Variants in TAF4B observed in about 807,000 individuals in gnomAD.
TAF4B encodes TATA-box binding protein associated factor 4b.
In TAF4B, 38 loss-of-function variants were observed where a neutral mutation model predicts 86.4. The observed-to-expected ratio is 0.44, with a 90% CI of 0.34 to 0.58. The LOEUF (loss-of-function observed/expected upper bound fraction) is 0.58, where lower values mean the gene tolerates loss of function less well. TAF4B is among the 20% of genes least tolerant of loss of function. TAF4B has a pLI of 0.02. For synonymous variants in TAF4B, 388 were observed against 391.2 expected (o/e 0.99, Z 0.10); for missense variants, 988 against 1,027.6 (o/e 0.96, Z 0.53).
At chr18:26,294,242 A>G (rs1249752914) in intron 9 of TAF4B, among the ~76,000 whole-genome samples, 1 of 152,134 alleles carries the variant, frequency 6.6e-6, no homozygotes, top group Non-Finnish European at 1.5e-5. Flanking sequence ...GTCATTGATG[A>G]TGAGCGTTCT....
At chr18:26,359,334 T>C (rs1456151889) in intron 14 of TAF4B, among the ~76,000 whole-genome samples, 1 of 152,232 alleles carries the variant, frequency 6.6e-6, no homozygotes, top group African/African-American at 2.4e-5. Flanking sequence ...CTTATATTGT[T>C]GTGTGCTTGT....
At chr18:26,260,841 G>A (rs1375264358) in intron 1 of TAF4B, among the ~76,000 whole-genome samples, 1 of 152,066 alleles carries the variant, frequency 6.6e-6, no homozygotes, top group Non-Finnish European at 1.5e-5. Flanking sequence ...TCTTCTTTAA[G>A]TATGGTTCCT....
Position 26,227,188 on chromosome 18 carries a change from C to T in TAF4B, c.255C>T (p.Gly85=). The change falls in exon 1 of 15, where the codon GGC becomes GGT. Residue 85 remains glycine (G), a synonymous_variant. Coordinates refer to ENST00000269142, the MANE Select transcript of TAF4B (RefSeq NM_005640.3). ...PVSAPPKVSS[G]PRLPAPQIVA... Reference sequence around the variant, plus strand: ...GCGCCCCTCCTAAAGTCAGCAGCGGCCCTAGGCTGCCTGCTCCTCAGATAG... The same window carrying T: ...GCGCCCCTCCTAAAGTCAGCAGCGGTCCTAGGCTGCCTGCTCCTCAGATAG... 1.9e-6 allele frequency: 3 copies of T among 1,614,092 alleles called. No homozygotes were observed. Among genetic ancestry groups the T allele is most frequent in the South Asian group, 2.2e-5 (2 of 91,070 alleles).
chr18:26,292,509 A>C, intron 8 of TAF4B, 128 bp downstream of exon 8: 1 of 981,902 alleles, frequency 1.0e-6, no homozygotes, highest in South Asian at 1.8e-5. Flanking sequence ...ATTGAGAGAA[A>C]ACAGAAAGAT....
intron 10 of TAF4B, among the ~76,000 whole-genome samples, chr18:26,320,867 A>G (rs559275945): frequency 2.6e-5 from 4 of 152,332 alleles, no homozygotes; most frequent in East Asian, 1.9e-4. Context: ...AACAATGTCT[A>G]TATTTTCTGA....
chr18:26,358,149 C>T (rs1165638937), intron 14 of TAF4B, among the ~76,000 whole-genome samples: 3 of 152,088 alleles, frequency 2.0e-5, no homozygotes, highest in Non-Finnish European at 4.4e-5. Context: ...CTTGTAAGAC[C>T]GAATCTGCCC....
At chr18:26,267,131 T>G (rs1378837326) in intron 2 of TAF4B, 1 of 155,274 alleles carries the variant, frequency 6.4e-6, no homozygotes, top group Non-Finnish European at 1.4e-5. Flanking sequence ...CTAGTTTGGT[T>G]TAACTGCTGT....
At chr18:26,243,067 G>T (rs1483565401) in intron 1 of TAF4B, among the ~76,000 whole-genome samples, 2 of 152,098 alleles carry the variant, frequency 1.3e-5, no homozygotes, top group Non-Finnish European at 2.9e-5. Flanking sequence ...GTGTCTTGCA[G>T]TTGCTCTTCT....
chr18:26,349,556 A>T (rs946550124), intron 13 of TAF4B, among the ~76,000 whole-genome samples: 12 of 152,218 alleles, frequency 7.9e-5, no homozygotes, highest in Non-Finnish European at 1.5e-4. Context: ...ACTGAAGAAG[A>T]TACAAGCAAA....
intron 9 of TAF4B, among the ~76,000 whole-genome samples, chr18:26,309,885 G>A (rs186033071): frequency 6.6e-6 from 1 of 152,204 alleles, no homozygotes; most frequent in Non-Finnish European, 1.5e-5. Context: ...CTGGAGTGCA[G>A]TGGCGCGATC....
chr18:26,375,037 T>C (rs1035571585), intron 14 of TAF4B, among the ~76,000 whole-genome samples: 1 of 152,180 alleles, frequency 6.6e-6, no homozygotes, highest in Non-Finnish European at 1.5e-5. Flanking sequence ...AACATTTTCA[T>C]TACCCTACAA....
intron 14 of TAF4B, among the ~76,000 whole-genome samples, chr18:26,378,610 A>G (rs1350353307): frequency 1.3e-5 from 2 of 152,206 alleles, no homozygotes; most frequent in Admixed American, 6.5e-5. Flanking sequence ...GGTATAATTT[A>G]TATACAATAG....
intron 1 of TAF4B, chr18:26,256,447 C>T (rs1450708479): frequency 1.5e-5 from 11 of 729,586 alleles, no homozygotes; most frequent in African/African-American, 3.5e-5. Context: ...GCCAGTCCCC[C>T]TCAAGCACTC....
chr18:26,280,150 A>T (rs989258327), intron 5 of TAF4B, among the ~76,000 whole-genome samples: 8 of 152,164 alleles, frequency 5.3e-5, no homozygotes, highest in African/African-American at 1.7e-4. Flanking sequence ...TTTTCACCAT[A>T]TATAAAAATT....
chr18:26,301,155 T>C (rs1314733767), intron 9 of TAF4B, among the ~76,000 whole-genome samples: 1 of 152,224 alleles, frequency 6.6e-6, no homozygotes, highest in Non-Finnish European at 1.5e-5. Context: ...ATTGTAGCAT[T>C]ACTAGAAACC....
chr18:26,381,466 C>A (rs1011878863), intron 14 of TAF4B, among the ~76,000 whole-genome samples: 6 of 151,964 alleles, frequency 3.9e-5, no homozygotes, highest in African/African-American at 1.5e-4. Flanking sequence ...GTAGCTCACG[C>A]CTGTAATCCC....
At chr18:26,295,988 T>TG (rs1555679075) in intron 9 of TAF4B, among the ~76,000 whole-genome samples, 1 of 150,006 alleles carries the variant, frequency 6.7e-6, no homozygotes, top group Non-Finnish European at 1.5e-5. Flanking sequence ...GTTCACGATT[T>TG]TGTGTGTGTG....
At chr18:26,389,628 G>C (rs1332746067) in intron 14 of TAF4B, among the ~76,000 whole-genome samples, 1 of 152,206 alleles carries the variant, frequency 6.6e-6, no homozygotes, top group African/African-American at 2.4e-5. Context: ...TTGCCATGCT[G>C]CAGGTGAGCA....
chr18:26,356,285 C>T (rs1263660732), intron 13 of TAF4B, among the ~76,000 whole-genome samples: 2 of 152,172 alleles, frequency 1.3e-5, no homozygotes. Flanking sequence ...CTCCTAATAA[C>T]AGTCACCCTG....
Sources: allele counts gnomAD v4.1 joint callset (sites outside exome capture counted in the v4.1 genomes callset), GRCh38; gene constraint gnomAD v4.1.1; transcripts MANE v1.5; gene names NCBI Gene and HGNC (gene_info 2026-07-23, HGNC 2026-07-21).